CARS2: variants seen among roughly 807,000 people sequenced by gnomAD.
The protein encoded by CARS2 is probable cysteine--tRNA ligase, mitochondrial.
CARS2 carries 52 observed loss-of-function variants against 68.8 expected under a neutral mutation model. The observed-to-expected ratio is 0.76, with a 90% CI of 0.61 to 0.95. The LOEUF (loss-of-function observed/expected upper bound fraction) is 0.95. CARS2 is among the 40% of genes least tolerant of loss of function. The probability of loss-of-function intolerance (pLI) is 0.00; values close to 1 mark genes in which losing one functional copy is unlikely to be tolerated. For synonymous variants in CARS2, 314 were observed against 303.6 expected (o/e 1.03, Z -0.36); for missense variants, 780 against 754.2 (o/e 1.03, Z -0.40).
At chr13:110,693,119 A>AG (rs2063522710) in intron 3 of CARS2, among the ~76,000 whole-genome samples, 1 of 151,366 alleles carries the variant, frequency 6.6e-6, no homozygotes, top group African/African-American at 2.4e-5. Flanking sequence ...CAAAAAAAAA[A>AG]AAAAAAAAAA....
chr13:110,643,655 A>T (rs1343274409), intron 13 of CARS2: 1 of 157,142 alleles, frequency 6.4e-6, no homozygotes, highest in East Asian at 1.9e-4. Context: ...GAATTCTACA[A>T]GGGTGTCCAA....
At position 110,664,233 on chromosome 13, in the gene CARS2, G is replaced by A. The variant is rs1048280096; in HGVS notation, c.920-715C>T. 1.9e-5 allele frequency: 19 copies of A among 981,732 alleles called. No homozygotes were observed. In the South Asian group the frequency reaches 2.4e-4, roughly 12 times the overall value. 60.8% of individuals were successfully genotyped at this position (981,732 alleles called of 1,614,324 possible). ...CAAACAGGAGTCCTCCAGGCCGGAC[G>A]CAGTGGCTCACACCCGTAATACCAG... On this transcript the variant is annotated intron_variant, in intron 8 of 14. Coordinates refer to ENST00000257347, the MANE Select transcript of CARS2 (RefSeq NM_024537.4).
At chr13:110,709,300 G>A (rs2064007666), upstream of CARS2, among the ~76,000 whole-genome samples, 1 of 151,984 alleles carries the variant, frequency 6.6e-6, no homozygotes, top group East Asian at 1.9e-4. Context: ...CTCCATGTTA[G>A]TCAGGCTGGT....
At chr13:110,683,191 G>A (rs2063206445) in intron 5 of CARS2, 57 bp from the exon 6 acceptor site, 2 of 1,205,588 alleles carry the variant, frequency 1.7e-6, no homozygotes, top group South Asian at 1.5e-5. Context: ...TCAGCATATT[G>A]ACAACCTTAA....
chr13:110,677,332 C>T (rs56309879), intron 6 of CARS2, among the ~76,000 whole-genome samples: 47 of 70,846 alleles, frequency 6.6e-4, no homozygotes, highest in African/African-American at 1.0e-3. Flanking sequence ...ACAGTCACCC[C>T]CACCACGGGG....
intron 3 of CARS2, among the ~76,000 whole-genome samples, chr13:110,695,448 G>A (rs9515269): frequency 0.51 from 77,866 of 151,880 alleles, 21,764 homozygotes; most frequent in Non-Finnish European, 0.64. Context: ...TCAGGGACTC[G>A]AGCATCCAAG....
intron 6 of CARS2, among the ~76,000 whole-genome samples, chr13:110,681,643 T>G (rs1323514586): frequency 6.6e-6 from 1 of 152,162 alleles, no homozygotes; most frequent in Non-Finnish European, 1.5e-5. Flanking sequence ...TTACAGCAGC[T>G]TTATTCATAA....
At chr13:110,645,383 ACAGCCTCGGCTTCCCGGGT>A (rs1447490953) in intron 12 of CARS2, 1 of 152,308 alleles carries the variant, frequency 6.6e-6, no homozygotes, top group Admixed American at 6.5e-5. Context: ...AGAGGCACAA[ACAGCCTCGGCTTCCCGGGT>A]CATCAAAGGT....
chr13:110,709,298 TAGTC>T (rs1330325158), upstream of CARS2, among the ~76,000 whole-genome samples: 1 of 151,990 alleles, frequency 6.6e-6, no homozygotes, highest in Non-Finnish European at 1.5e-5. Context: ...TTCTCCATGT[TAGTC>T]AGGCTGGTCT....
intron 3 of CARS2, among the ~76,000 whole-genome samples, chr13:110,696,242 T>C (rs904317616): frequency 1.3e-5 from 2 of 151,940 alleles, no homozygotes; most frequent in African/African-American, 4.8e-5. Flanking sequence ...CGTGTGTATG[T>C]GTCTTTATAG....
Position 110,705,674 on chromosome 13 carries a change from G to T in CARS2, c.225-103C>A. On this transcript the variant is annotated intron_variant, in intron 1 of 14. Transcript: ENST00000257347. The surrounding 1 kb of genome is among the most constrained non-coding windows in gnomAD (Gnocchi z 4.0). ...ATAATTTTTAAAGTAATCACTTCTGGGGGATGAATAGCCGGGGTTTTCATA... is the reference window on the plus strand; with the variant it reads ...ATAATTTTTAAAGTAATCACTTCTGTGGGATGAATAGCCGGGGTTTTCATA... 1 of 1,465,212 alleles carries T rather than the reference G, an allele frequency of 6.8e-7. No individual in the cohort carries two copies. The highest frequency in any genetic ancestry group is 9.4e-7 in the Non-Finnish European group (1 of 1,062,932). 90.8% of individuals were successfully genotyped at this position (1,465,212 alleles called of 1,614,324 possible).
At chr13:110,646,414 G>C (rs1303348500) in intron 11 of CARS2, 1 of 203,072 alleles carries the variant, frequency 4.9e-6, no homozygotes, top group African/African-American at 2.3e-5. Flanking sequence ...GTGGGGGAGA[G>C]ACGGCACGGC....
rs1447612896 is a variant in CARS2 at position 110,706,082 on chromosome 13, A to G, written c.12T>C (p.Thr4=). The G allele has an allele frequency of 7.6e-7, 1 of 1,318,478 alleles. No individual in the cohort carries two copies. Among genetic ancestry groups the G allele is most frequent in the Non-Finnish European group, 9.6e-7 (1 of 1,036,616 alleles). 81.7% of individuals were successfully genotyped at this position (1,318,478 alleles called of 1,614,324 possible). MLR[T]TRGPGLGPPL... ...GGGGGCCCAGGCCTGGGCCGCGCGTAGTCCTCAACATGTCAGCGGCCAGCG... is the reference window on the plus strand; with the variant it reads ...GGGGGCCCAGGCCTGGGCCGCGCGTGGTCCTCAACATGTCAGCGGCCAGCG... Residue 4 remains threonine (T), a synonymous_variant, in exon 1 of 15, where the codon ACT becomes ACC. Transcript: ENST00000257347.
chr13:110,704,552 C>T (rs539025625), intron 2 of CARS2, among the ~76,000 whole-genome samples: 57 of 152,104 alleles, frequency 3.7e-4, no homozygotes, highest in Admixed American at 3.4e-3. Flanking sequence ...GGTGAAACTC[C>T]GTCTCTACTA....
rs1177610691 is a variant in CARS2, at chr13:110,666,593, G to A, written c.919+747C>T. 6.1e-6 allele frequency: 6 copies of A among 985,322 alleles called. No individual in the cohort carries two copies. In the East Asian group the frequency reaches 4.5e-4, roughly 75 times the overall value. The allele number at this position is 985,322 out of a possible 1,614,324, so 61.0% of individuals were successfully genotyped here. Reference sequence around the variant, plus strand: ...AAGAAACCCAAGTGAACTCTGCTGCGGACCAGAAAACCAGAGCACTTCTGC... The same window carrying A: ...AAGAAACCCAAGTGAACTCTGCTGCAGACCAGAAAACCAGAGCACTTCTGC... On this transcript the variant is annotated intron_variant, in intron 8 of 14. Coordinates refer to ENST00000257347, the MANE Select transcript of CARS2 (RefSeq NM_024537.4).
intron 8 of CARS2, chr13:110,666,504 G>A: frequency 1.0e-6 from 1 of 985,340 alleles, no homozygotes; most frequent in Non-Finnish European, 1.2e-6. Context: ...AACAGGGTAA[G>A]CCCGGGGTGA....
Position 110,644,452 on chromosome 13 carries a change from A to G in CARS2, c.1349T>C (p.Phe450Ser), listed in dbSNP as rs1887819372. 1.9e-6 allele frequency: 3 copies of G among 1,614,122 alleles called. No homozygotes were observed. The highest frequency in any genetic ancestry group is 2.5e-6 in the Non-Finnish European group (3 of 1,180,036). Residue 450 changes from phenylalanine to serine, a missense_variant, in exon 13 of 15, where the codon TTT becomes TCT. Phe to Ser is a radical substitution (Grantham distance 155). Coordinates refer to ENST00000257347, the MANE Select transcript of CARS2 (RefSeq NM_024537.4). Reference protein sequence around the residue: ...EPEGPRSPAVFGAIISYFEQF... With the variant: ...EPEGPRSPAVSGAIISYFEQF... ...TTCAAAGTAAGAGATGATGGCACCA[A>G]ACACAGCAGGACTTCTCGGCCCTTC...
rs868284111 is a variant in CARS2, at chr13:110,642,328, C to A, written c.1610G>T (p.Gly537Val). The part of the protein sequence containing the change: ...DTLRRGLTAH[G>V]INIKDRSSTT... ...TGCGGCACTCACCTTGATGTTGATGCCGTGGGCAGTCAGGCCCCGGCGCAG... is the reference window on the plus strand; with the variant it reads ...TGCGGCACTCACCTTGATGTTGATGACGTGGGCAGTCAGGCCCCGGCGCAG... The change falls in exon 14 of 15, where the codon GGC becomes GTC. Residue 537 changes from glycine (G) to valine (V), a missense_variant. Coordinates refer to ENST00000257347, the MANE Select transcript of CARS2 (RefSeq NM_024537.4). 1 of 1,549,982 alleles carries A rather than the reference C, an allele frequency of 6.5e-7. No homozygotes were observed. The highest frequency in any genetic ancestry group is 8.7e-7 in the Non-Finnish European group (1 of 1,146,600).
intron 2 of CARS2, among the ~76,000 whole-genome samples, chr13:110,701,948 G>A (rs1398518635): frequency 6.6e-6 from 1 of 152,088 alleles, no homozygotes; most frequent in African/African-American, 2.4e-5. Flanking sequence ...CAAAACAGAA[G>A]CAAATACCAA....
Sources: allele counts gnomAD v4.1 joint callset (sites outside exome capture counted in the v4.1 genomes callset), GRCh38; gene constraint gnomAD v4.1.1; non-coding constraint Gnocchi (gnomAD v3.1); transcripts MANE v1.5; gene names NCBI Gene and HGNC (gene_info 2026-07-23, HGNC 2026-07-21).